SIDT1: variants seen among roughly 807,000 people sequenced by gnomAD.
SIDT1 encodes SID1 transmembrane family member 1.
A neutral mutation model predicts 107.5 loss-of-function variants in SIDT1; 101 were observed. The observed-to-expected ratio is 0.94, with a 90% confidence interval of 0.80 to 1.11. The LOEUF is 1.11. SIDT1 is among the 50% of genes least tolerant of loss of function. SIDT1 has a pLI of 0.00. For missense variants in SIDT1, 1,076 were observed against 1,058.2 expected, an observed-to-expected ratio of 1.02 and a Z score of -0.23; for synonymous variants, 395 against 398.2, an observed-to-expected ratio of 0.99 and a Z score of 0.10.
intron 1 of SIDT1, among the ~76,000 whole-genome samples, chr3:113,551,824 G>GGTGTGTGTGT (rs56860179): frequency 1.6e-4 from 23 of 147,222 alleles, no homozygotes; most frequent in African/African-American, 5.7e-4. Flanking sequence ...AAGTTTTAGG[G>GGTGTGTGTGT]GTGTGTGTGT....
intron 2 of SIDT1, 77 bp downstream of exon 2, chr3:113,566,618 C>T: frequency 6.7e-7 from 1 of 1,492,248 alleles, no homozygotes; most frequent in Non-Finnish European, 9.1e-7. Flanking sequence ...GGTCTTTTCC[C>T]TATTGAAAGG....
At chr3:113,543,686 G>T (rs1367637977) in intron 1 of SIDT1, among the ~76,000 whole-genome samples, 1 of 152,164 alleles carries the variant, frequency 6.6e-6, no homozygotes, top group Non-Finnish European at 1.5e-5. Context: ...TATCTTCACA[G>T]AATTCTCTAT....
At chr3:113,538,798 G>A (rs1052057767) in intron 1 of SIDT1, among the ~76,000 whole-genome samples, 6 of 152,220 alleles carry the variant, frequency 3.9e-5, no homozygotes, top group African/African-American at 1.2e-4. Context: ...TATTTTGGTC[G>A]GCAGAAAGAA....
At position 113,583,400 on chromosome 3, in the gene SIDT1, C is replaced by A; in HGVS notation, c.748-9C>A. On this transcript the variant is annotated splice_polypyrimidine_tract_variant and intron_variant, in intron 6 of 24. Transcript: ENST00000264852. ...ACCGCCTATCATAAGGTTGTTATGT[C>A]TTATGCAGAAGAAGGATTTTCCAGG... The A allele has an allele frequency of 6.3e-7, 1 of 1,593,868 alleles. No homozygotes were observed.
chr3:113,611,046 C>A lies in SIDT1; in HGVS notation c.1759C>A (p.Leu587Met), dbSNP rs758528406. Residue 587 changes from leucine (L) to methionine (M), a missense_variant, in exon 18 of 25, where the codon CTG becomes ATG. Physicochemically the swap from Leu to Met is conservative, Grantham distance 15. Coordinates refer to ENST00000264852, the MANE Select transcript of SIDT1 (RefSeq NM_017699.3). ...FMYMIAGLCM[L>M]KLYQTRHPDI... ...GTACATGATCGCTGGCCTGTGCATG[C>A]TGAAGCTCTATCAGACCCGCCACCC... 4 of 1,614,030 alleles carry A rather than the reference C, an allele frequency of 2.5e-6. No individual in the cohort carries two copies. In the African/African-American group the frequency reaches 5.3e-5, roughly 22 times the overall value.
At chr3:113,545,656 A>T (rs188430440) in intron 1 of SIDT1, among the ~76,000 whole-genome samples, 1 of 152,144 alleles carries the variant, frequency 6.6e-6, no homozygotes, top group African/African-American at 2.4e-5. Flanking sequence ...TATCTGTTGG[A>T]TCACATGCAG....
intron 1 of SIDT1, among the ~76,000 whole-genome samples, chr3:113,563,643 G>A (rs1176068509): frequency 3.9e-5 from 6 of 152,220 alleles, no homozygotes; most frequent in African/African-American, 1.2e-4. Flanking sequence ...ACAAACAAGT[G>A]TTCCCAAAAA....
At chr3:113,562,853 G>A (rs1560039156) in intron 1 of SIDT1, among the ~76,000 whole-genome samples, 1 of 152,298 alleles carries the variant, frequency 6.6e-6, no homozygotes, top group East Asian at 1.9e-4. Context: ...ATTGTGTGAT[G>A]TATGAATTAT....
At chr3:113,544,195 G>C (rs1458840862) in intron 1 of SIDT1, among the ~76,000 whole-genome samples, 1 of 115,546 alleles carries the variant, frequency 8.7e-6, no homozygotes, top group African/African-American at 4.4e-5. Context: ...TTGTTTGTTT[G>C]TTTGTTTGTT....
At chr3:113,567,339 C>T (rs1576790394) in intron 2 of SIDT1, among the ~76,000 whole-genome samples, 1 of 152,174 alleles carries the variant, frequency 6.6e-6, no homozygotes, top group East Asian at 1.9e-4. Context: ...TCCTCACATC[C>T]CTGTTATTAT....
intron 23 of SIDT1, chr3:113,625,875 G>A: frequency 2.0e-6 from 1 of 497,862 alleles, no homozygotes; most frequent in Non-Finnish European, 3.6e-6. Context: ...TTCCTTTGCT[G>A]TGCAGAAGCT....
At chr3:113,595,533 C>T (rs553765499) in intron 10 of SIDT1, among the ~76,000 whole-genome samples, 1 of 151,602 alleles carries the variant, frequency 6.6e-6, no homozygotes, top group African/African-American at 2.4e-5. Context: ...GAGCTGAGAT[C>T]GCACCACTGC....
At chr3:113,581,239 C>G (rs1403593833) in intron 5 of SIDT1, 122 bp from the exon 6 acceptor site, 17 of 775,604 alleles carry the variant, frequency 2.2e-5, no homozygotes, top group Non-Finnish European at 3.5e-5. Flanking sequence ...TGCCTAGTTT[C>G]TGGTTAATAA....
intron 3 of SIDT1, among the ~76,000 whole-genome samples, chr3:113,568,793 A>T (rs1942172506): frequency 6.6e-6 from 1 of 152,046 alleles, no homozygotes; most frequent in African/African-American, 2.4e-5. Flanking sequence ...AACAATGAAC[A>T]AACTATTGCT....
At chr3:113,567,791 G>A in intron 3 of SIDT1, 81 bp downstream of exon 3, 1 of 1,381,412 alleles carries the variant, frequency 7.2e-7, no homozygotes, top group African/African-American at 1.4e-5. Flanking sequence ...CTTACAGACT[G>A]GTACTCTGGA....
At chr3:113,635,306 G>A in the SIDT1 span, among the ~76,000 whole-genome samples, 2 of 152,126 alleles carry the variant, frequency 1.3e-5, no homozygotes, top group Admixed American at 1.3e-4. Context: ...AACCAGCCTG[G>A]ACAACATAGC....
intron 1 of SIDT1, among the ~76,000 whole-genome samples, 199 bp downstream of exon 1, chr3:113,533,442 C>A (rs932464635): frequency 7.9e-5 from 12 of 152,204 alleles, no homozygotes; most frequent in African/African-American, 2.2e-4. Context: ...CTTCGCCTCG[C>A]GCCTCTCCTG....
At chr3:113,598,344 G>GTTT (rs1266845027) in intron 10 of SIDT1, among the ~76,000 whole-genome samples, 1 of 152,156 alleles carries the variant, frequency 6.6e-6, no homozygotes, top group East Asian at 1.9e-4. Context: ...TTTGATTTTA[G>GTTT]TTTTTGGTTT....
chr3:113,546,865 C>A (rs1361679882), intron 1 of SIDT1, among the ~76,000 whole-genome samples: 2 of 152,066 alleles, frequency 1.3e-5, no homozygotes, highest in Admixed American at 1.3e-4. Context: ...GTATGTTAAC[C>A]AGCTCTTCCT....
Sources: allele counts gnomAD v4.1 joint callset (sites outside exome capture counted in the v4.1 genomes callset), GRCh38; gene constraint gnomAD v4.1.1; transcripts MANE v1.5; gene names NCBI Gene and HGNC (gene_info 2026-07-23, HGNC 2026-07-21).